The following KCNIP4 variants were observed in gnomAD, a reference collection of about 807,000 sequenced individuals.
KCNIP4 encodes the protein Kv channel-interacting protein 4.
A neutral mutation model predicts 34.0 loss-of-function variants in KCNIP4; 12 were observed. The ratio of observed to expected loss-of-function variants is 0.35; its 90% CI spans 0.23 to 0.57. The LOEUF is 0.57. KCNIP4 is among the 20% of genes least tolerant of loss of function. The pLI is 0.83. For synonymous variants in KCNIP4, 124 were observed against 102.2 expected (o/e 1.21, Z -1.29); for missense variants, 238 against 311.7 (o/e 0.76, Z 1.78).
chr4:20,984,003 C>A, intron 1 of KCNIP4: 1 of 1,516,618 alleles, frequency 6.6e-7, no homozygotes. Context: ...GTAGCAACGT[C>A]AGGCTTGGAA....
chr4:20,888,186 CA>C, intron 1 of KCNIP4, among the ~76,000 whole-genome samples: 1 of 151,806 alleles, frequency 6.6e-6, no homozygotes, highest in East Asian at 1.9e-4. Context: ...AATAGAGGGA[CA>C]AAAAGTAGAA....
At chr4:21,070,048 A>C (rs1298398378) in intron 1 of KCNIP4, among the ~76,000 whole-genome samples, 1 of 152,154 alleles carries the variant, frequency 6.6e-6, no homozygotes, top group African/African-American at 2.4e-5. Flanking sequence ...CAACTCGATA[A>C]TTTTATCACT....
intron 5 of KCNIP4, among the ~76,000 whole-genome samples, chr4:20,739,209 CCTGT>C (rs1197341282): frequency 1.3e-5 from 2 of 152,214 alleles, no homozygotes; most frequent in Admixed American, 1.3e-4. Context: ...CTTAAACATC[CCTGT>C]CTGACAGCTT....
chr4:21,788,804 G>T (rs1720078155), intron 1 of KCNIP4, among the ~76,000 whole-genome samples: 1 of 152,148 alleles, frequency 6.6e-6, no homozygotes, highest in African/African-American at 2.4e-5. Context: ...GCCGGTTGTG[G>T]TGGCTCATAA....
At chr4:20,861,962 T>C (rs866927876) in intron 2 of KCNIP4, among the ~76,000 whole-genome samples, 18 of 138,330 alleles carry the variant, frequency 1.3e-4, no homozygotes, top group Admixed American at 1.6e-4. Flanking sequence ...TGGCCCCTTA[T>C]GGTAGGAGTT....
At chr4:21,765,927 CATACAGT>C (rs1718390088) in intron 1 of KCNIP4, among the ~76,000 whole-genome samples, 1 of 151,526 alleles carries the variant, frequency 6.6e-6, no homozygotes, top group Non-Finnish European at 1.5e-5. Flanking sequence ...TAGGAAAAGG[CATACAGT>C]AAACTAAGCG....
chr4:21,575,214 G>A (rs986302599), intron 1 of KCNIP4, among the ~76,000 whole-genome samples: 2 of 152,208 alleles, frequency 1.3e-5, no homozygotes, highest in South Asian at 4.1e-4. Context: ...TTTAAACTAA[G>A]AGTCACTTGA....
intron 1 of KCNIP4, among the ~76,000 whole-genome samples, chr4:21,891,093 G>C (rs1727066192): frequency 6.6e-6 from 1 of 152,076 alleles, no homozygotes; most frequent in Non-Finnish European, 1.5e-5. Context: ...AGGTTCAGAT[G>C]TTCCTCATAT....
intron 1 of KCNIP4, among the ~76,000 whole-genome samples, chr4:21,639,032 T>C (rs956136814): frequency 3.3e-5 from 5 of 152,224 alleles, no homozygotes; most frequent in African/African-American, 1.2e-4. Context: ...GTATAAATTA[T>C]GCTGCTGATT....
intron 1 of KCNIP4, among the ~76,000 whole-genome samples, chr4:20,924,824 T>C (rs1729739440): frequency 6.6e-6 from 1 of 152,156 alleles, no homozygotes; most frequent in South Asian, 2.1e-4. Context: ...AACACATAAG[T>C]GGAAAAAATG....
At chr4:21,731,672 A>G (rs1715612586) in intron 1 of KCNIP4, among the ~76,000 whole-genome samples, 1 of 152,166 alleles carries the variant, frequency 6.6e-6, no homozygotes. Flanking sequence ...AGTTTGCACC[A>G]TTAGGGCTTT....
At chr4:21,911,902 T>C (rs1231997687) in intron 1 of KCNIP4, among the ~76,000 whole-genome samples, 1 of 152,126 alleles carries the variant, frequency 6.6e-6, no homozygotes, top group Non-Finnish European at 1.5e-5. Flanking sequence ...AAATTCCCTT[T>C]ACATCTGAAG....
chr4:21,924,699 T>C (rs1399759158), intron 1 of KCNIP4, among the ~76,000 whole-genome samples: 1 of 152,192 alleles, frequency 6.6e-6, no homozygotes, highest in Non-Finnish European at 1.5e-5. Flanking sequence ...CAAGCATAGA[T>C]TTGGAGTAGA....
intron 1 of KCNIP4, among the ~76,000 whole-genome samples, chr4:21,354,860 A>T (rs569698580): frequency 6.6e-6 from 1 of 152,316 alleles, no homozygotes; most frequent in East Asian, 1.9e-4. Flanking sequence ...TCTCAGCACC[A>T]CATCACACTT....
chr4:21,664,923 A>C (rs541973549), intron 1 of KCNIP4, among the ~76,000 whole-genome samples: 6 of 152,256 alleles, frequency 3.9e-5, no homozygotes, highest in African/African-American at 1.2e-4. Flanking sequence ...GTACTTCTTT[A>C]ATTTTTAATA....
intron 1 of KCNIP4, among the ~76,000 whole-genome samples, chr4:21,073,232 T>C (rs1466277590): frequency 1.3e-5 from 2 of 152,190 alleles, no homozygotes; most frequent in African/African-American, 4.8e-5. Flanking sequence ...TAAATTACCT[T>C]GGGCAGTATG....
In KCNIP4 at chr4:20,795,053, T is replaced by A. The variant is rs58215871; in HGVS notation, c.289-36163A>T. On this transcript the variant is annotated intron_variant, in intron 3 of 8. Transcript: ENST00000382152. ...AATTTACAGCTTGATTTTAACCGGG[T>A]TGAACTTTAATTTAACCAGTTGATT... Among the ~76,000 whole-genome samples, 1,122 of 152,302 alleles carry A rather than the reference T, an allele frequency of 7.4e-3. 10 individuals are homozygous for A. The highest frequency in any genetic ancestry group is 0.026 in the African/African-American group (1,074 of 41,574).
intron 1 of KCNIP4, among the ~76,000 whole-genome samples, chr4:21,446,728 C>A (rs192628165): frequency 2.2e-4 from 33 of 151,870 alleles, no homozygotes; most frequent in Admixed American, 6.6e-4. Context: ...CAAACCTGCA[C>A]ATTGTGCACA....
chr4:21,441,376 C>T (rs896920166), intron 1 of KCNIP4, among the ~76,000 whole-genome samples: 9 of 151,944 alleles, frequency 5.9e-5, no homozygotes, highest in African/African-American at 2.2e-4. Context: ...ATCTCCTGAC[C>T]TCGTGATCCG....
Sources: allele counts gnomAD v4.1 joint callset (sites outside exome capture counted in the v4.1 genomes callset), GRCh38; gene constraint gnomAD v4.1.1; transcripts MANE v1.5; gene names NCBI Gene and HGNC (gene_info 2026-07-23, HGNC 2026-07-21).